The following SMC4 variants were observed in gnomAD, a reference collection of about 807,000 sequenced individuals.
The protein encoded by SMC4 is structural maintenance of chromosomes protein 4.
In SMC4, 87 loss-of-function variants were observed where a neutral mutation model predicts 145.6. That is an observed-to-expected ratio of 0.60 (90% CI 0.50 to 0.71). The LOEUF (loss-of-function observed/expected upper bound fraction) is 0.71, where lower values mean the gene tolerates loss of function less well. SMC4 is among the 30% of genes least tolerant of loss of function. The pLI is 0.00. For missense variants in SMC4, 1,447 were observed against 1,537.1 expected (o/e 0.94, Z 0.98); for synonymous variants, 558 against 500.7 (o/e 1.11, Z -1.53).
At chr3:160,400,559 C>T (rs1714456028) in intron 1 of SMC4, 2 of 422,482 alleles carry the variant, frequency 4.7e-6, no homozygotes, top group Non-Finnish European at 8.3e-6. Context: ...AAAACAACAA[C>T]AACAAACTAA....
chr3:160,419,821 T>G (rs1460083998), intron 12 of SMC4, among the ~76,000 whole-genome samples: 1 of 152,110 alleles, frequency 6.6e-6, no homozygotes, highest in Non-Finnish European at 1.5e-5. Context: ...AAGAGAGACT[T>G]TAGCCAGGCA....
In SMC4 at chr3:160,425,537, C is replaced by T. The variant is rs190348648; in HGVS notation, c.2478+518C>T. ...CTAGCTTTTCTTAAATTATGGTTTTCTTTCCAAGGCAGTATAAATGTACTT... is the reference window on the plus strand; with the variant it reads ...CTAGCTTTTCTTAAATTATGGTTTTTTTTCCAAGGCAGTATAAATGTACTT... On this transcript the variant is annotated intron_variant, in intron 16 of 23. Transcript: ENST00000357388. Among the ~76,000 whole-genome samples, 389 of 152,038 alleles carry T rather than the reference C, an allele frequency of 2.6e-3. 4 individuals carry two copies. Among genetic ancestry groups the T allele is most frequent in the African/African-American group, 8.7e-3 (362 of 41,472 alleles).
Position 160,403,086 on chromosome 3 carries a change from C to A in SMC4, c.510+219C>A, listed in dbSNP as rs12054155. On this transcript the variant is annotated intron_variant, in intron 4 of 23. Transcript: ENST00000357388. ...TGAAGTATAAATAGTTCATAGTAAT[C>A]CTTTTTGGAATAAAAGCATTGAGCA... Among the ~76,000 whole-genome samples, 22 of 152,090 alleles carry A rather than the reference C, an allele frequency of 1.4e-4. No homozygotes were observed. The East Asian group carries it at 4.2e-3, about 29-fold the overall frequency.
intron 4 of SMC4, 92 bp downstream of exon 4, chr3:160,402,959 A>T (rs1171820019): frequency 5.7e-6 from 5 of 876,636 alleles, no homozygotes; most frequent in Non-Finnish European, 8.4e-6. Flanking sequence ...AGAAATTTGT[A>T]TGTAATTACA....
intron 3 of SMC4, 146 bp downstream of exon 3, chr3:160,402,239 A>T (rs1005917578): frequency 9.9e-5 from 45 of 452,494 alleles, no homozygotes; most frequent in Middle Eastern, 5.8e-4. Context: ...TCTCTCTCTC[A>T]CACACACACA....
rs767107327 is a variant in SMC4 at position 160,420,952 on chromosome 3, CGTA to C, written c.2019+54_2019+56del. 7.8e-5 allele frequency: 112 copies of C among 1,444,542 alleles called. No homozygotes were observed. In the African/African-American group the frequency reaches 1.5e-3, roughly 19 times the overall value. 89.5% of individuals were successfully genotyped at this position (1,444,542 alleles called of 1,614,324 possible). A position where few individuals can be genotyped will look rare whatever the true frequency, so the allele number is the denominator to read the frequency against. On this transcript the variant is annotated intron_variant, in intron 13 of 23. Transcript: ENST00000357388. ...TAATTGGAATTTTTTTTTTTTGAGA[CGTA>C]GTCTCGCTCTGTCACCCAGGCTGGA...
At chr3:160,413,303 C>A (rs1716222454) in intron 7 of SMC4, among the ~76,000 whole-genome samples, 170 bp from the exon 8 acceptor site, 1 of 151,896 alleles carries the variant, frequency 6.6e-6, no homozygotes, top group Admixed American at 6.6e-5. Flanking sequence ...GATTTTTGTT[C>A]CTAAATTCTA....
intron 5 of SMC4, among the ~76,000 whole-genome samples, chr3:160,406,693 C>T (rs1715366401): frequency 6.6e-6 from 1 of 152,102 alleles, no homozygotes; most frequent in South Asian, 2.1e-4. Context: ...TTAAAAAGAA[C>T]CAAATTTTTT....
At chr3:160,432,075 G>A (rs1275243714) in intron 21 of SMC4, among the ~76,000 whole-genome samples, 1 of 152,232 alleles carries the variant, frequency 6.6e-6, no homozygotes, top group African/African-American at 2.4e-5. Flanking sequence ...TGTGGCACGT[G>A]CCTGTAATCC....
intron 4 of SMC4, 21 bp from the exon 5 acceptor site, chr3:160,404,307 T>G: frequency 6.3e-7 from 1 of 1,587,288 alleles, no homozygotes; most frequent in Non-Finnish European, 8.5e-7. Flanking sequence ...TGTTTTCTGG[T>G]TTTGTTTTTC....
intron 7 of SMC4, 32 bp downstream of exon 7, chr3:160,412,485 A>C: frequency 6.4e-7 from 1 of 1,570,236 alleles, no homozygotes; most frequent in Non-Finnish European, 8.6e-7. Context: ...ACCAATTTTT[A>C]TATTAGTTTT....
At position 160,412,051 on chromosome 3, in the gene SMC4, A is replaced by C; in HGVS notation, c.819A>C (p.Arg273Ser). 3 of 1,613,506 alleles carry C rather than the reference A, an allele frequency of 1.9e-6. No homozygotes were observed. The highest frequency in any genetic ancestry group is 2.2e-5 in the East Asian group (1 of 44,760). The change falls in exon 6 of 24, where the codon AGA (arginine) becomes AGC (serine). Residue 273 changes from arginine (R) to serine (S), a missense_variant. By Grantham distance (110) the Arg-to-Ser change is moderately radical (BLOSUM62 -1). Transcript: ENST00000357388. ...AACCTATTAAAGTCTTGTGTCGGAG[A>C]GTTGAAATATTAAATGAACACAGAG... ...LNEPIKVLCR[R>S]VEILNEHRGE...
At chr3:160,401,109 C>A in intron 2 of SMC4, 144 bp downstream of exon 2, 1 of 1,158,570 alleles carries the variant, frequency 8.6e-7, no homozygotes, top group Non-Finnish European at 1.1e-6. Context: ...TCAGGAAAGC[C>A]ATTTGGCAAC....
chr3:160,418,161 T>C (rs546610340), intron 11 of SMC4, among the ~76,000 whole-genome samples: 1 of 152,112 alleles, frequency 6.6e-6, no homozygotes, highest in Non-Finnish European at 1.5e-5. Flanking sequence ...AAGCACCATA[T>C]AGTAAGTAAA....
intron 7 of SMC4, 89 bp from the exon 8 acceptor site, chr3:160,413,384 A>T (rs1716231834): frequency 7.9e-7 from 1 of 1,271,924 alleles, no homozygotes; most frequent in Non-Finnish European, 1.1e-6. Context: ...AATATTTTAG[A>T]AACAGTTAGT....
chr3:160,423,366 T>TGAG, intron 13 of SMC4, 59 bp from the exon 14 acceptor site: 1 of 998,578 alleles, frequency 1.0e-6, no homozygotes, highest in Non-Finnish European at 1.4e-6. Flanking sequence ...TTTGTTTTTT[T>TGAG]TTTTGAGTTT....
chr3:160,426,019 A>G, intron 16 of SMC4, 55 bp from the exon 17 acceptor site: 1 of 1,382,670 alleles, frequency 7.2e-7, no homozygotes, highest in Non-Finnish European at 9.9e-7. Context: ...AAAAATTCAC[A>G]ATGTTTAAAG....
In SMC4 at chr3:160,412,052, G is replaced by C; in HGVS notation, c.820G>C (p.Val274Leu). The C allele has an allele frequency of 6.2e-7, 1 of 1,613,432 alleles. No homozygotes were observed. The highest frequency in any genetic ancestry group is 8.5e-7 in the Non-Finnish European group (1 of 1,179,714). Residue 274 changes from valine (V) to leucine (L), a missense_variant, in exon 6 of 24, where the codon GTT becomes CTT. Coordinates refer to ENST00000357388, the MANE Select transcript of SMC4 (RefSeq NM_001002800.3). ...NEPIKVLCRR[V>L]EILNEHRGEK... ...ACCTATTAAAGTCTTGTGTCGGAGAGTTGAAATATTAAATGAACACAGAGG... is the reference window on the plus strand; with the variant it reads ...ACCTATTAAAGTCTTGTGTCGGAGACTTGAAATATTAAATGAACACAGAGG...
chr3:160,403,407 A>G (rs1165515054), intron 4 of SMC4, among the ~76,000 whole-genome samples: 1 of 152,162 alleles, frequency 6.6e-6, no homozygotes, highest in Admixed American at 6.5e-5. Flanking sequence ...AACTAGAGGT[A>G]AAATGTCTAG....
Sources: allele counts gnomAD v4.1 joint callset (sites outside exome capture counted in the v4.1 genomes callset), GRCh38; gene constraint gnomAD v4.1.1; transcripts MANE v1.5; gene names NCBI Gene and HGNC (gene_info 2026-07-23, HGNC 2026-07-21).